Variants in ZNF223 observed in about 807,000 individuals in gnomAD.
The protein encoded by ZNF223 is Homo sapiens zinc finger protein 223.
A neutral mutation model predicts 12.3 loss-of-function variants in ZNF223; 9 were observed. The observed-to-expected ratio is 0.73, with a 90% confidence interval of 0.44 to 1.28. ZNF223 has a LOEUF of 1.28. ZNF223 is among the 50% of genes most tolerant of loss of function. The pLI, the probability that ZNF223 is intolerant of heterozygous loss-of-function variation, is 0.00. For synonymous variants in ZNF223, 171 were observed against 195.2 expected (o/e 0.88, Z 1.03); for missense variants, 506 against 579.0 (o/e 0.87, Z 1.29).
chr19:44,067,183 G>A lies in ZNF223; in HGVS notation c.1355G>A (p.Gly452Glu). The A allele has an allele frequency of 6.2e-7, 1 of 1,612,336 alleles. No homozygotes were observed. The highest frequency in any genetic ancestry group is 8.5e-7 in the Non-Finnish European group (1 of 1,179,640). Reference protein sequence around the residue: ...YRKDQQKNHSGENPSKCEDCG... With the variant: ...YRKDQQKNHSEENPSKCEDCG... The stretch of plus-strand genomic sequence containing the variant: ...AAAGACCAACAAAAAAACCACAGTG[G>A]AGAAAATCCATCCAAATGTGAAGAC... The change falls in exon 5 of 5, where the codon GGA becomes GAA. Residue 452 changes from glycine to glutamate, a missense_variant. Physicochemically the swap from Gly to Glu is moderately conservative, Grantham distance 98. Coordinates refer to ENST00000434772, the MANE Select transcript of ZNF223 (RefSeq NM_013361.6).
At chr19:44,063,066 A>G (rs778686588) in intron 4 of ZNF223, among the ~76,000 whole-genome samples, 10 of 152,176 alleles carry the variant, frequency 6.6e-5, no homozygotes, top group African/African-American at 2.4e-4. Context: ...TATGACCTGG[A>G]AGGAATTGGG....
At position 44,066,661 on chromosome 19, in the gene ZNF223, AT is replaced by A; in HGVS notation, c.834del (p.Gln279ArgfsTer17). ...ATTCATGATTTCCAGCTTCAGAAAC[AT>A]CAGAGAATTCACACAGGGGAGAAGC... ...AFIHDFQLQK[H>X]QRIHTGEKPF... On this transcript the variant is annotated frameshift_variant, in exon 5 of 5. Coordinates refer to ENST00000434772, the MANE Select transcript of ZNF223 (RefSeq NM_013361.6). LOFTEE classifies it low-confidence loss of function (END_TRUNC). 3 of 1,614,248 alleles carry A rather than the reference AT, an allele frequency of 1.9e-6. No individual in the cohort carries two copies. The highest frequency in any genetic ancestry group is 1.7e-6 in the Non-Finnish European group (2 of 1,180,042).
chr19:44,053,813 G>A (rs530127190), intron 1 of ZNF223, among the ~76,000 whole-genome samples: 2 of 152,318 alleles, frequency 1.3e-5, no homozygotes, highest in South Asian at 4.1e-4. Flanking sequence ...CGCAGTGTAT[G>A]GTGTCCCTGG....
Position 44,066,440 on chromosome 19 carries a change from T to C in ZNF223, c.612T>C (p.Phe204=). The C allele has an allele frequency of 6.2e-7, 1 of 1,614,208 alleles. No individual in the cohort carries two copies. The highest frequency in any genetic ancestry group is 8.5e-7 in the Non-Finnish European group (1 of 1,180,044). The change falls in exon 5 of 5, where the codon TTT becomes TTC. Residue 204 remains phenylalanine (F), a synonymous_variant. Transcript: ENST00000434772. ...GAGTCCACCTGGGAGAGAAACTCTT[T>C]AAGTGTGACGTGTGTGGTAAGGAAT... ...HQRVHLGEKL[F]KCDVCGKEFS...
chr19:44,066,269 T>G lies in ZNF223; in HGVS notation c.441T>G (p.Pro147=). The change falls in exon 5 of 5, where the codon CCT becomes CCG. Residue 147 remains proline (P), a synonymous_variant. Coordinates refer to ENST00000434772, the MANE Select transcript of ZNF223 (RefSeq NM_013361.6). ...CTATAATGCACACAGGACAGAAACC[T>G]TCCAATTGTGGGAAGTGTAAACAAT... ...GLSIMHTGQK[P]SNCGKCKQSF... The G allele has an allele frequency of 6.2e-7, 1 of 1,614,222 alleles. No individual in the cohort carries two copies. The highest frequency in any genetic ancestry group is 2.2e-5 in the East Asian group (1 of 44,886).
In ZNF223 at chr19:44,060,436, C is replaced by T; in HGVS notation, c.16-19C>T. 4 of 1,613,486 alleles carry T rather than the reference C, an allele frequency of 2.5e-6. No individual in the cohort carries two copies. Among genetic ancestry groups the T allele is most frequent in the Non-Finnish European group, 3.4e-6 (4 of 1,179,686 alleles). On this transcript the variant is annotated intron_variant, in intron 2 of 4. Coordinates refer to ENST00000434772, the MANE Select transcript of ZNF223 (RefSeq NM_013361.6). The stretch of plus-strand genomic sequence containing the variant: ...ACCATTGGTAGTGAGATTGAGGTTG[C>T]ATATGTTTGATGCTGTAGGAGGCAG...
At chr19:44,052,703 T>C (rs1009579240) in intron 1 of ZNF223, among the ~76,000 whole-genome samples, 3 of 152,108 alleles carry the variant, frequency 2.0e-5, no homozygotes, top group Non-Finnish European at 4.4e-5. Context: ...AACATACCTG[T>C]AACCAGAGAC....
intron 1 of ZNF223, among the ~76,000 whole-genome samples, chr19:44,054,407 T>A (rs377285459): frequency 3.0e-4 from 45 of 152,268 alleles, no homozygotes; most frequent in African/African-American, 1.0e-3. Context: ...ACATTATTAG[T>A]GGGCATTTTC....
At chr19:44,054,553 C>T (rs1976741533) in intron 1 of ZNF223, among the ~76,000 whole-genome samples, 1 of 151,334 alleles carries the variant, frequency 6.6e-6, no homozygotes. Flanking sequence ...TTTTTAAACT[C>T]TAGGTTTATT....
chr19:44,066,212 T>C lies in ZNF223; in HGVS notation c.384T>C (p.Gly128=). 1 of 1,614,180 alleles carries C rather than the reference T, an allele frequency of 6.2e-7. No individual in the cohort carries two copies. The highest frequency in any genetic ancestry group is 8.5e-7 in the Non-Finnish European group (1 of 1,180,030). ...TIKSSQFFEQ[G]DAHSQVEEGL... ...AGAGCTCTCAGTTCTTTGAACAGGGTGATGCCCACTCCCAGGTTGAGGAAG... is the reference window on the plus strand; with the variant it reads ...AGAGCTCTCAGTTCTTTGAACAGGGCGATGCCCACTCCCAGGTTGAGGAAG... Residue 128 remains glycine (G), a synonymous_variant, in exon 5 of 5, where the codon GGT becomes GGC. Transcript: ENST00000434772.
chr19:44,060,233 A>G, intron 2 of ZNF223: 1 of 732,526 alleles, frequency 1.4e-6, no homozygotes, highest in South Asian at 2.1e-5. Context: ...ACTAAATAAG[A>G]CCACAAGACT....
rs763388188 is a variant in ZNF223 at position 44,066,777 on chromosome 19, A to G, written c.949A>G (p.Ser317Gly). 2.5e-6 allele frequency: 4 copies of G among 1,614,214 alleles called. No individual in the cohort carries two copies. The South Asian group carries it at 4.4e-5, about 18-fold the overall frequency. ...CVVHTGKKPN[S>G]TGEYGKGFIR... ...GGTCCACACAGGAAAGAAACCAAAC[A>G]GCACTGGGGAATATGGAAAAGGCTT... is the stretch of plus-strand genomic sequence containing the variant. Residue 317 changes from serine to glycine, a missense_variant, in exon 5 of 5, where the codon AGC (serine) becomes GGC (glycine). Physicochemically the swap from Ser to Gly is moderately conservative, Grantham distance 56 (BLOSUM62 0). Transcript: ENST00000434772.
At chr19:44,053,628 T>C (rs1202467622) in intron 1 of ZNF223, among the ~76,000 whole-genome samples, 1 of 152,144 alleles carries the variant, frequency 6.6e-6, no homozygotes, top group Non-Finnish European at 1.5e-5. Flanking sequence ...TTACCTCAAC[T>C]GCAAAGAGGC....
chr19:44,066,860 T>C lies in ZNF223; in HGVS notation c.1032T>C (p.Tyr344=), dbSNP rs1234673750. 2 of 1,614,064 alleles carry C rather than the reference T, an allele frequency of 1.2e-6. No individual in the cohort carries two copies. The highest frequency in any genetic ancestry group is 1.3e-5 in the African/African-American group (1 of 74,922). ...HQTIHTGEKP[Y]NCKECGKSFR... ...CGATCCACACAGGAGAGAAACCATA[T>C]AATTGTAAAGAATGTGGGAAGAGCT... The change falls in exon 5 of 5, where the codon TAT becomes TAC. Residue 344 remains tyrosine, a synonymous_variant. Coordinates refer to ENST00000434772, the MANE Select transcript of ZNF223 (RefSeq NM_013361.6).
chr19:44,059,119 A>G (rs951434706), intron 2 of ZNF223, among the ~76,000 whole-genome samples: 1 of 152,184 alleles, frequency 6.6e-6, no homozygotes, highest in African/African-American at 2.4e-5. Context: ...TGGGGACATT[A>G]TCTTTTGCCA....
rs543355335 is a variant in ZNF223 at position 44,067,230 on chromosome 19, C to A, written c.1402C>A (p.Arg468Ser). ...CEDCGKRYKR[R>S]LNLDIILSLF... ...AGACTGTGGGAAGCGCTACAAGAGG[C>A]GCTTGAATCTTGATATAATTTTATC... is the stretch of plus-strand genomic sequence containing the variant. The change falls in exon 5 of 5, where the codon CGC (arginine) becomes AGC (serine). Residue 468 changes from arginine (R) to serine (S), a missense_variant. Transcript: ENST00000434772. The A allele has an allele frequency of 2.5e-6, 4 of 1,607,268 alleles. No homozygotes were observed. The South Asian group carries it at 4.5e-5, about 18-fold the overall frequency.
intron 1 of ZNF223, among the ~76,000 whole-genome samples, chr19:44,054,132 T>C (rs1251313679): frequency 6.6e-6 from 1 of 152,118 alleles, no homozygotes; most frequent in East Asian, 1.9e-4. Flanking sequence ...GATTATACAT[T>C]GTTGGTGGGG....
chr19:44,064,489 G>T (rs1320496237), intron 4 of ZNF223, among the ~76,000 whole-genome samples: 1 of 152,092 alleles, frequency 6.6e-6, no homozygotes, highest in Admixed American at 6.6e-5. Context: ...TATGTGTCAT[G>T]CAAAATTCTT....
chr19:44,058,086 G>A (rs771915842), intron 2 of ZNF223, among the ~76,000 whole-genome samples: 35 of 152,278 alleles, frequency 2.3e-4, no homozygotes, highest in South Asian at 1.2e-3. Context: ...GACTCATGGA[G>A]AAAAACTTGA....
Sources: allele counts gnomAD v4.1 joint callset (sites outside exome capture counted in the v4.1 genomes callset), GRCh38; gene constraint gnomAD v4.1.1; transcripts MANE v1.5; gene names NCBI Gene and HGNC (gene_info 2026-07-23, HGNC 2026-07-21).